Variants in CNBD1 observed in about 807,000 individuals in gnomAD.
CNBD1 encodes the protein cyclic nucleotide-binding domain-containing protein 1.
Under a neutral mutation model 54.4 loss-of-function variants are expected in CNBD1, and 71 were observed. The ratio of observed to expected loss-of-function variants is 1.30; its 90% confidence interval spans 1.08 to 1.59. The LOEUF (loss-of-function observed/expected upper bound fraction) is 1.59. Among genes scored for constraint, CNBD1 ranks in the 40% most tolerant of loss-of-function variants. CNBD1 has a pLI of 0.00. For synonymous variants in CNBD1, 182 were observed against 170.7 expected (o/e 1.07, Z -0.51); for missense variants, 659 against 518.0 (o/e 1.27, Z -2.64).
At chr8:87,318,365 A>G (rs1207210229) in intron 8 of CNBD1, among the ~76,000 whole-genome samples, 2 of 152,084 alleles carry the variant, frequency 1.3e-5, no homozygotes, top group African/African-American at 4.8e-5. Flanking sequence ...CTCAGCAACA[A>G]TTTTATATGT....
At chr8:87,428,447 C>T (rs1586098024) in intron 2 of CNBD1, 1 of 306,324 alleles carries the variant, frequency 3.3e-6, no homozygotes, top group South Asian at 2.5e-5. Context: ...ATTTTGTCTA[C>T]TATTTTGAAA....
At chr8:87,068,157 G>A (rs999504430) in intron 4 of CNBD1, among the ~76,000 whole-genome samples, 1 of 151,756 alleles carries the variant, frequency 6.6e-6, no homozygotes, top group Non-Finnish European at 1.5e-5. Flanking sequence ...ATGACTTACT[G>A]GGTTACTCAG....
intron 4 of CNBD1, among the ~76,000 whole-genome samples, chr8:87,184,035 C>G (rs896780792): frequency 5.3e-5 from 8 of 152,178 alleles, no homozygotes; most frequent in African/African-American, 1.9e-4. Context: ...TGGGTCTGTG[C>G]TCACCACTGG....
chr8:86,870,810 G>A (rs2453441), intron 1 of CNBD1, among the ~76,000 whole-genome samples: 104,994 of 151,996 alleles, frequency 0.69, 36,845 homozygotes, highest in African/African-American at 0.8. Flanking sequence ...CAAGTTTAAG[G>A]AAAAGAAAGA....
chr8:87,170,513 GC>G (rs1335452301), intron 4 of CNBD1, among the ~76,000 whole-genome samples: 1 of 138,606 alleles, frequency 7.2e-6, no homozygotes, highest in African/African-American at 2.5e-5. Context: ...TGGAGGAAAG[GC>G]TTGCAGTTTT....
At chr8:87,279,267 T>C (rs1808542366) in intron 6 of CNBD1, among the ~76,000 whole-genome samples, 1 of 150,774 alleles carries the variant, frequency 6.6e-6, no homozygotes, top group African/African-American at 2.4e-5. Context: ...ATCAACAAAA[T>C]GATAATGAAA....
chr8:87,252,129 T>G (rs1807929502), intron 6 of CNBD1, among the ~76,000 whole-genome samples: 1 of 152,182 alleles, frequency 6.6e-6, no homozygotes, highest in South Asian at 2.1e-4. Flanking sequence ...CATTCTGTTA[T>G]AATCAGAATT....
intron 4 of CNBD1, among the ~76,000 whole-genome samples, chr8:87,115,104 G>T (rs1181991707): frequency 6.6e-6 from 1 of 152,180 alleles, no homozygotes; most frequent in East Asian, 1.9e-4. Context: ...TGCTTTACCA[G>T]AGATGATATG....
downstream of CNBD1, among the ~76,000 whole-genome samples, chr8:87,386,119 C>T (rs751407820): frequency 1.3e-5 from 2 of 152,062 alleles, no homozygotes; most frequent in Non-Finnish European, 2.9e-5. Flanking sequence ...CTGTGCATCA[C>T]CATCATCAAA....
At chr8:87,074,036 G>A (rs1471658744) in intron 4 of CNBD1, among the ~76,000 whole-genome samples, 9 of 151,080 alleles carry the variant, frequency 6.0e-5, no homozygotes, top group Non-Finnish European at 1.2e-4. Context: ...GGGAGGCAGA[G>A]CTTGCAGTGA....
At chr8:87,363,799 TA>T (rs1810575888) in intron 10 of CNBD1, among the ~76,000 whole-genome samples, 1 of 152,110 alleles carries the variant, frequency 6.6e-6, no homozygotes, top group Admixed American at 6.6e-5. Context: ...TCCCATTCTG[TA>T]GGTTGCCTGT....
intron 3 of CNBD1, among the ~76,000 whole-genome samples, chr8:86,907,769 A>G (rs1374712934): frequency 2.0e-5 from 3 of 152,208 alleles, no homozygotes; most frequent in Non-Finnish European, 2.9e-5. Context: ...TTCTAAGCTT[A>G]GTATACATAG....
chr8:86,963,005 TG>T (rs1324172381), intron 4 of CNBD1, among the ~76,000 whole-genome samples: 1 of 152,124 alleles, frequency 6.6e-6, no homozygotes, highest in Non-Finnish European at 1.5e-5. Context: ...GAGTGCAGGC[TG>T]AAAATGATTC....
intron 8 of CNBD1, among the ~76,000 whole-genome samples, chr8:87,336,691 C>G (rs1275272837): frequency 6.6e-6 from 1 of 152,160 alleles, no homozygotes; most frequent in Admixed American, 6.5e-5. Context: ...CTGAAGCCTA[C>G]TTCTATCAAT....
At chr8:87,278,684 A>T (rs1350686061) in intron 6 of CNBD1, among the ~76,000 whole-genome samples, 2 of 151,580 alleles carry the variant, frequency 1.3e-5, no homozygotes, top group Non-Finnish European at 3.0e-5. Context: ...GCAGAAACAA[A>T]GTTATCCAGA....
In CNBD1 at chr8:86,949,961, T is replaced by TTTG. The variant is rs1212810571; in HGVS notation, c.431+10209_431+10210insGTT. The stretch of plus-strand genomic sequence containing the variant: ...TTCATCAAATGCTTTTTTTTTTTTT[T>TTTG]TTTTTTTTTTTTTGAGATGGAGTCT... On this transcript the variant is annotated intron_variant, in intron 4 of 10. Coordinates refer to ENST00000518476, the MANE Select transcript of CNBD1 (RefSeq NM_173538.3). 1.2e-3 allele frequency among the ~76,000 whole-genome samples: 160 copies of TTTG among 130,408 alleles called. 31 individuals are homozygous for TTTG. The highest frequency in any genetic ancestry group is 2.0e-3 in the Non-Finnish European group (121 of 61,910). The allele number at this position is 130,408 out of a possible 152,430, so 85.6% of individuals were successfully genotyped here.
chr8:87,273,991 A>G (rs1292986242), intron 6 of CNBD1, among the ~76,000 whole-genome samples: 10 of 142,920 alleles, frequency 7.0e-5, no homozygotes, highest in Admixed American at 3.1e-4. Context: ...TCATTGTTCA[A>G]TTCCCACCTA....
chr8:87,033,438 T>A (rs1037595576), intron 4 of CNBD1, among the ~76,000 whole-genome samples: 1 of 152,212 alleles, frequency 6.6e-6, no homozygotes, highest in African/African-American at 2.4e-5. Context: ...AAGGTATTGA[T>A]GAAATCAGTC....
At chr8:87,109,540 C>CTTTTTTTT (rs35541466) in intron 4 of CNBD1, among the ~76,000 whole-genome samples, 9 of 107,964 alleles carry the variant, frequency 8.3e-5, no homozygotes, top group Non-Finnish European at 1.0e-4. Flanking sequence ...TTCTTTCTTT[C>CTTTTTTTT]TTTTTTTTTT....
Sources: allele counts gnomAD v4.1 joint callset (sites outside exome capture counted in the v4.1 genomes callset), GRCh38; gene constraint gnomAD v4.1.1; transcripts MANE v1.5; gene names NCBI Gene and HGNC (gene_info 2026-07-23, HGNC 2026-07-21).